The following DBT variants were observed in gnomAD, a reference collection of about 807,000 sequenced individuals.
The protein encoded by DBT is lipoamide acyltransferase component of branched-chain alpha-keto acid dehydrogenase complex, mitochondrial.
A neutral mutation model predicts 51.3 loss-of-function variants in DBT; 40 were observed. The observed-to-expected ratio is 0.78, with a 90% confidence interval of 0.61 to 1.02. The LOEUF is 1.02. Among genes scored for constraint, DBT ranks in the 50% least tolerant of loss-of-function variants. The pLI is 0.00. For missense variants in DBT, 510 were observed against 580.2 expected (o/e 0.88, Z 1.24); for synonymous variants, 181 against 190.4 (o/e 0.95, Z 0.41).
intron 1 of DBT, chr1:100,248,980 A>G (rs1219341119): frequency 3.8e-5 from 15 of 395,160 alleles, no homozygotes; most frequent in Non-Finnish European, 4.5e-5. Flanking sequence ...GAGAAGGAAG[A>G]TATGATGTCT....
Position 100,189,361 on chromosome 1 carries a change from A to G in DBT, c.*6894T>C. ...CTCCATCTCAAAAATTAAAAAAAAA[A>G]AAAAAAAAAGCCTGTGGTTATTTTG... On this transcript the variant is annotated 3_prime_UTR_variant, in exon 11 of 11. Transcript: ENST00000370132. 1 of 152,338 alleles carries G rather than the reference A, an allele frequency of 6.6e-6. No individual in the cohort carries two copies. Among genetic ancestry groups the G allele is most frequent in the African/African-American group, 2.4e-5 (1 of 41,528 alleles). 9.4% of individuals were successfully genotyped at this position (152,338 alleles called of 1,614,324 possible).
chr1:100,230,543 C>T (rs1397459966), intron 4 of DBT, among the ~76,000 whole-genome samples, 190 bp downstream of exon 4: 1 of 151,226 alleles, frequency 6.6e-6, no homozygotes, highest in Middle Eastern at 3.2e-3. Flanking sequence ...TCCTACAATT[C>T]AGATTTCTAT....
chr1:100,199,214 G>A (rs1015317278), intron 10 of DBT, among the ~76,000 whole-genome samples: 19 of 152,084 alleles, frequency 1.2e-4, no homozygotes, highest in Non-Finnish European at 5.9e-5. Flanking sequence ...CATGGTCACC[G>A]ATCACCTTTT....
intron 1 of DBT, among the ~76,000 whole-genome samples, chr1:100,242,765 G>A (rs1301184457): frequency 5.3e-5 from 8 of 152,044 alleles, no homozygotes; most frequent in Non-Finnish European, 1.5e-5. Flanking sequence ...AAAACTTAGG[G>A]ACAATAAAGG....
chr1:100,214,135 C>T (rs1396631559), intron 7 of DBT, among the ~76,000 whole-genome samples: 1 of 151,982 alleles, frequency 6.6e-6, no homozygotes, highest in Admixed American at 6.6e-5. Flanking sequence ...CCAGGATCCT[C>T]AATATAAGTT....
chr1:100,227,213 G>A (rs548475070), intron 4 of DBT, among the ~76,000 whole-genome samples: 1 of 152,212 alleles, frequency 6.6e-6, no homozygotes, highest in African/African-American at 2.4e-5. Context: ...TGTATATGCA[G>A]TCTGTTGTTG....
At chr1:100,197,418 G>C (rs2810423) in intron 10 of DBT, among the ~76,000 whole-genome samples, 120,777 of 152,164 alleles carry the variant, frequency 0.79, 49,063 homozygotes, top group East Asian at 0.95. Flanking sequence ...GTGGGGGGCA[G>C]TGAGGAAAGG....
intron 7 of DBT, chr1:100,213,681 A>G: frequency 6.2e-7 from 1 of 1,608,608 alleles, no homozygotes; most frequent in South Asian, 1.1e-5. Context: ...AGGGAACACC[A>G]GGCTCGGCCT....
intron 4 of DBT, among the ~76,000 whole-genome samples, chr1:100,230,306 A>G (rs1391407814): frequency 2.0e-5 from 3 of 152,212 alleles, no homozygotes. Context: ...TTCGGCTTCT[A>G]AAACTCCAAC....
chr1:100,200,471 G>A (rs565701355), intron 10 of DBT, among the ~76,000 whole-genome samples: 2 of 152,322 alleles, frequency 1.3e-5, no homozygotes, highest in South Asian at 2.1e-4. Context: ...GGGTGGCTGT[G>A]GGCGCAGCTT....
At chr1:100,217,866 T>C (rs1662590522) in intron 5 of DBT, among the ~76,000 whole-genome samples, 1 of 152,238 alleles carries the variant, frequency 6.6e-6, no homozygotes, top group Non-Finnish European at 1.5e-5. Context: ...TTATATAACA[T>C]CTAACAGCAC....
At chr1:100,208,199 T>C (rs1327412390) in intron 8 of DBT, among the ~76,000 whole-genome samples, 1 of 152,172 alleles carries the variant, frequency 6.6e-6, no homozygotes, top group African/African-American at 2.4e-5. Flanking sequence ...AAAAATATTG[T>C]ATAAAATTAC....
intron 10 of DBT, among the ~76,000 whole-genome samples, chr1:100,204,186 T>C (rs561981955): frequency 6.6e-6 from 1 of 152,340 alleles, no homozygotes; most frequent in African/African-American, 2.4e-5. Flanking sequence ...GATGACATGA[T>C]TGTATATTTA....
chr1:100,225,039 A>T (rs1167036854), intron 4 of DBT, among the ~76,000 whole-genome samples: 2 of 110,430 alleles, frequency 1.8e-5, no homozygotes, highest in East Asian at 2.5e-4. Context: ...AAAAAAAAAA[A>T]AAAATATATA....
At chr1:100,196,500 TAAC>T in intron 10 of DBT, 78 bp from the exon 11 acceptor site, 2 of 1,517,622 alleles carry the variant, frequency 1.3e-6, no homozygotes, top group Non-Finnish European at 1.8e-6. Flanking sequence ...GCTCAAGCTC[TAAC>T]AATGGTGTAA....
chr1:100,246,668 T>TA (rs1348126760), intron 1 of DBT, among the ~76,000 whole-genome samples: 2 of 152,258 alleles, frequency 1.3e-5, no homozygotes, highest in African/African-American at 4.8e-5. Flanking sequence ...CTTTTTTTTT[T>TA]ACTGAGTCAT....
intron 6 of DBT, 37 bp downstream of exon 6, chr1:100,215,946 A>G: frequency 8.1e-7 from 1 of 1,237,206 alleles, no homozygotes; most frequent in South Asian, 1.2e-5. Flanking sequence ...AAAATAAATG[A>G]ACTATTGCCT....
chr1:100,235,045 T>C (rs1663786315), intron 3 of DBT, among the ~76,000 whole-genome samples: 1 of 152,208 alleles, frequency 6.6e-6, no homozygotes, highest in African/African-American at 2.4e-5. Flanking sequence ...TTTTTTAATG[T>C]TTCAAAATTT....
intron 4 of DBT, among the ~76,000 whole-genome samples, chr1:100,224,711 A>T (rs1277970122): frequency 2.6e-5 from 4 of 152,070 alleles, no homozygotes; most frequent in African/African-American, 4.8e-5. Flanking sequence ...AATAAACTGC[A>T]CATACATAAA....
Sources: allele counts gnomAD v4.1 joint callset (sites outside exome capture counted in the v4.1 genomes callset), GRCh38; gene constraint gnomAD v4.1.1; transcripts MANE v1.5; gene names NCBI Gene and HGNC (gene_info 2026-07-23, HGNC 2026-07-21).